Variants in USP15 observed in about 807,000 individuals in gnomAD.
USP15 encodes ubiquitin specific peptidase 15, also known as ubiquitin carboxyl-terminal hydrolase 15.
USP15 carries 18 observed loss-of-function variants against 127.1 expected under a neutral mutation model. That is an observed-to-expected ratio of 0.14 (90% confidence interval 0.10 to 0.21). The LOEUF (loss-of-function observed/expected upper bound fraction) is 0.21. Ranked by LOEUF, USP15 falls within the 10% of genes least tolerant of loss-of-function variation. The pLI, the probability that USP15 is intolerant of heterozygous loss-of-function variation, is 1.00. For missense variants in USP15, 805 were observed against 1,159.9 expected (o/e 0.69, Z 4.44); for synonymous variants, 364 against 393.7 (o/e 0.92, Z 0.89).
At chr12:62,283,413 A>G (rs967206741) in intron 1 of USP15, among the ~76,000 whole-genome samples, 4 of 152,210 alleles carry the variant, frequency 2.6e-5, no homozygotes, top group African/African-American at 7.2e-5. Flanking sequence ...GAAACTTTAA[A>G]TGTTGTCATA....
At chr12:62,371,477 A>T (rs566598189) in intron 8 of USP15, among the ~76,000 whole-genome samples, 1 of 152,326 alleles carries the variant, frequency 6.6e-6, no homozygotes, top group South Asian at 2.1e-4. Context: ...TCTGGTCAAC[A>T]ATAAAATAAG....
chr12:62,396,604 A>G (rs554058234), intron 20 of USP15, among the ~76,000 whole-genome samples: 1 of 151,988 alleles, frequency 6.6e-6, no homozygotes, highest in Non-Finnish European at 1.5e-5. Flanking sequence ...CATACTCCTC[A>G]GTTCAAGGCC....
intron 8 of USP15, among the ~76,000 whole-genome samples, chr12:62,359,848 C>T (rs879438216): frequency 5.3e-5 from 8 of 152,108 alleles, no homozygotes; most frequent in Non-Finnish European, 8.8e-5. Context: ...TTTGGTTACC[C>T]CTAGCCCCTG....
intron 20 of USP15, among the ~76,000 whole-genome samples, chr12:62,397,571 C>T (rs2067532893): frequency 6.6e-6 from 1 of 150,732 alleles, no homozygotes; most frequent in African/African-American, 2.4e-5. Flanking sequence ...TTAAATCAAC[C>T]TTCCTGGCCA....
rs569567007 is a variant in USP15, at chr12:62,379,110, A to G, written c.916-2380A>G. Among the ~76,000 whole-genome samples, 5 of 152,158 alleles carry G rather than the reference A, an allele frequency of 3.3e-5. No individual in the cohort carries two copies. The South Asian group carries it at 1.0e-3, about 32-fold the overall frequency. ...AAAGTAAGCAGTAAGCATTAAGGAAACATACAGGAGAAAACACTGTAAGGA... is the reference window on the plus strand; with the variant it reads ...AAAGTAAGCAGTAAGCATTAAGGAAGCATACAGGAGAAAACACTGTAAGGA... On this transcript the variant is annotated intron_variant, in intron 8 of 21. Transcript: ENST00000280377.
At chr12:62,264,510 A>G (rs1049430020) in intron 1 of USP15, among the ~76,000 whole-genome samples, 2 of 152,242 alleles carry the variant, frequency 1.3e-5, no homozygotes, top group Non-Finnish European at 2.9e-5. Flanking sequence ...TAATAACTGT[A>G]GTAGGTAACT....
intron 1 of USP15, among the ~76,000 whole-genome samples, chr12:62,261,547 T>G (rs1207470623): frequency 6.6e-6 from 1 of 152,198 alleles, no homozygotes; most frequent in African/African-American, 2.4e-5. Context: ...ATGTCACAGT[T>G]TCACCACTCA....
chr12:62,364,927 A>G (rs2066430798), intron 8 of USP15, among the ~76,000 whole-genome samples: 1 of 152,196 alleles, frequency 6.6e-6, no homozygotes, highest in Non-Finnish European at 1.5e-5. Context: ...CATGGTGTAT[A>G]TGTGCCACTT....
chr12:62,326,550 A>G (rs1379886181), intron 6 of USP15, among the ~76,000 whole-genome samples: 1 of 37,636 alleles, frequency 2.7e-5, no homozygotes, highest in African/African-American at 2.4e-4. Flanking sequence ...CTGCAAAAGG[A>G]CACTTCTTTA....
chr12:62,329,930 C>T (rs1459885048), intron 6 of USP15, among the ~76,000 whole-genome samples: 1 of 152,086 alleles, frequency 6.6e-6, no homozygotes, highest in African/African-American at 2.4e-5. Context: ...TTAAACAGAT[C>T]TTTGAGGATA....
At position 62,415,915 on chromosome 12, in the gene USP15, GTTCC is replaced by G. The variant is rs1406307898; in HGVS notation, c.*11547_*11550del. ...GAAGTACCCAACTATGGGAATGATT[GTTCC>G]TTCCTTATGAATGAGAGCAGCTCTC... On this transcript the variant is annotated 3_prime_UTR_variant, in exon 22 of 22. Coordinates refer to ENST00000280377, the MANE Select transcript of USP15 (RefSeq NM_001252078.2). 1 of 152,134 alleles carries G rather than the reference GTTCC, an allele frequency of 6.6e-6. No individual in the cohort carries two copies. The highest frequency in any genetic ancestry group is 1.5e-5 in the Non-Finnish European group (1 of 68,018). 9.4% of individuals were successfully genotyped at this position (152,134 alleles called of 1,614,324 possible). A position where few individuals can be genotyped will look rare whatever the true frequency, so the allele number is the denominator to read the frequency against.
At chr12:62,315,064 A>G (rs1592567785) in intron 4 of USP15, 148 bp downstream of exon 4, 1 of 718,314 alleles carries the variant, frequency 1.4e-6, no homozygotes, top group East Asian at 3.4e-5. Flanking sequence ...TCTTAGAGTT[A>G]AATTATTTAT....
intron 1 of USP15, among the ~76,000 whole-genome samples, chr12:62,283,421 A>G (rs2063705310): frequency 6.6e-6 from 1 of 152,214 alleles, no homozygotes; most frequent in Admixed American, 6.5e-5. Context: ...AAATGTTGTC[A>G]TAAAAAAAAA....
chr12:62,289,967 A>G (rs1054409056), intron 1 of USP15, among the ~76,000 whole-genome samples: 15 of 152,078 alleles, frequency 9.9e-5, no homozygotes, highest in African/African-American at 2.4e-4. Flanking sequence ...ACTGTGGTTT[A>G]AGAAGATACT....
intron 1 of USP15, among the ~76,000 whole-genome samples, chr12:62,271,011 T>C (rs1316004833): frequency 6.6e-6 from 1 of 152,054 alleles, no homozygotes; most frequent in Non-Finnish European, 1.5e-5. Flanking sequence ...ATTTAACCCA[T>C]GGATCTCTCT....
intron 5 of USP15, among the ~76,000 whole-genome samples, chr12:62,325,026 A>G (rs2065087552): frequency 6.6e-6 from 1 of 152,032 alleles, no homozygotes; most frequent in Admixed American, 6.6e-5. Flanking sequence ...CAGTTTTTCA[A>G]TGGAAATTGT....
Position 62,391,188 on chromosome 12 carries a change from A to T in USP15, c.1992A>T (p.Glu664Asp), listed in dbSNP as rs762991447. 5.6e-6 allele frequency: 9 copies of T among 1,613,470 alleles called. No homozygotes were observed. Among genetic ancestry groups the T allele is most frequent in the Non-Finnish European group, 6.8e-6 (8 of 1,179,718 alleles). ...SEMETDEPDD[E>D]SSQDQELPSE... The stretch of plus-strand genomic sequence containing the variant: ...TGGAAACAGATGAGCCAGATGATGA[A>T]TCCAGCCAGGATCAAGAACTTCCCT... Residue 664 changes from glutamate (E) to aspartate (D), a missense_variant, in exon 16 of 22, where the codon GAA becomes GAT. Around this residue, in one of 11 missense-constraint regions of USP15, gnomAD observed 225 missense variants for 239.5 expected, o/e 0.94. Coordinates refer to ENST00000280377, the MANE Select transcript of USP15 (RefSeq NM_001252078.2).
At chr12:62,402,691 T>A (rs1467022437) in intron 21 of USP15, among the ~76,000 whole-genome samples, 1 of 151,978 alleles carries the variant, frequency 6.6e-6, no homozygotes, top group Non-Finnish European at 1.5e-5. Flanking sequence ...GGAGATAAAT[T>A]TAGCGCTTAG....
At chr12:62,347,050 A>G (rs2065840617) in intron 6 of USP15, among the ~76,000 whole-genome samples, 1 of 152,064 alleles carries the variant, frequency 6.6e-6, no homozygotes, top group Non-Finnish European at 1.5e-5. Context: ...TTTTGCTTAT[A>G]TGTCATTTTT....
Sources: allele counts gnomAD v4.1 joint callset (sites outside exome capture counted in the v4.1 genomes callset), GRCh38; gene constraint gnomAD v4.1.1; regional missense constraint gnomAD v4.1.1; transcripts MANE v1.5; gene names NCBI Gene and HGNC (gene_info 2026-07-23, HGNC 2026-07-21).